Variants in KERA observed in about 807,000 individuals in gnomAD.
The protein encoded by KERA is keratocan.
KERA carries 25 observed loss-of-function variants against 26.4 expected under a neutral mutation model. That is an observed-to-expected ratio of 0.95 (90% CI 0.69 to 1.32). The LOEUF (loss-of-function observed/expected upper bound fraction) is 1.32, where lower values mean the gene tolerates loss of function less well. Ranked by LOEUF, KERA falls within the 40% of genes most tolerant of loss-of-function variation. The pLI, the probability that KERA is intolerant of heterozygous loss-of-function variation, is 0.00. For missense variants in KERA, 434 were observed against 408.9 expected (o/e 1.06, Z -0.53); for synonymous variants, 167 against 146.1 (o/e 1.14, Z -1.03).
chr12:91,057,469 G>A (rs1879041374), intron 1 of KERA, among the ~76,000 whole-genome samples: 1 of 150,366 alleles, frequency 6.7e-6, no homozygotes, highest in African/African-American at 2.4e-5. Context: ...GATTCCTTAG[G>A]AAAAGATAAA....
At chr12:91,057,086 G>A (rs1413662120) in intron 1 of KERA, among the ~76,000 whole-genome samples, 1 of 150,366 alleles carries the variant, frequency 6.7e-6, no homozygotes, top group African/African-American at 2.4e-5. Flanking sequence ...ACATTGTGAT[G>A]TATAGCACAA....
intron 2 of KERA, among the ~76,000 whole-genome samples, chr12:91,054,031 A>G (rs1211773279): frequency 6.6e-6 from 1 of 150,940 alleles, no homozygotes; most frequent in Non-Finnish European, 1.5e-5. Context: ...AAACAGATTC[A>G]TCTCTTAACA....
At chr12:91,052,947 C>T (rs1462199986) in intron 2 of KERA, among the ~76,000 whole-genome samples, 2 of 151,322 alleles carry the variant, frequency 1.3e-5, no homozygotes, top group Non-Finnish European at 3.0e-5. Context: ...CAGGGAACAC[C>T]AGAAAGTAAT....
At position 91,055,439 on chromosome 12, in the gene KERA, A is replaced by G; in HGVS notation, c.843T>C (p.Ser281=). 1 of 1,610,428 alleles carries G rather than the reference A, an allele frequency of 6.2e-7. No individual in the cohort carries two copies. Among genetic ancestry groups the G allele is most frequent in the South Asian group, 1.1e-5 (1 of 90,984 alleles). The change falls in exon 2 of 3, where the codon AGT becomes AGC. Residue 281 remains serine, a synonymous_variant. Coordinates refer to ENST00000266719, the MANE Select transcript of KERA (RefSeq NM_007035.4). ...CAAGGTGAAGGTGCTGCAGATGAGCACTGATTCGGGGAACCTTTGTGAGTT... is the reference window on the plus strand; with the variant it reads ...CAAGGTGAAGGTGCTGCAGATGAGCGCTGATTCGGGGAACCTTTGTGAGTT... The part of the protein sequence containing the change: ...HNQLTKVPRI[S]AHLQHLHLDH...
intron 2 of KERA, among the ~76,000 whole-genome samples, chr12:91,054,087 A>G (rs1414177852): frequency 1.3e-5 from 2 of 151,350 alleles, no homozygotes; most frequent in Admixed American, 1.3e-4. Context: ...GGATTAAACA[A>G]TACATTTCAT....
chr12:91,051,303 G>C lies in KERA; in HGVS notation c.*43C>G, dbSNP rs774086042. The C allele has an allele frequency of 3.9e-6, 6 of 1,521,048 alleles. No homozygotes were observed. The highest frequency in any genetic ancestry group is 5.5e-6 in the Non-Finnish European group (6 of 1,097,532). The allele number at this position is 1,521,048 out of a possible 1,614,324, so 94.2% of individuals were successfully genotyped here. A position where few individuals can be genotyped will look rare whatever the true frequency, so the allele number is the denominator to read the frequency against. On this transcript the variant is annotated 3_prime_UTR_variant, in exon 3 of 3. Transcript: ENST00000266719. ...TTAATGGTAACCACATTTCATGTCA[G>C]AAACAGCTCATTAAACTAATTTTAG... is the stretch of plus-strand genomic sequence containing the variant.
At chr12:91,053,082 A>G (rs1878905094) in intron 2 of KERA, among the ~76,000 whole-genome samples, 1 of 143,862 alleles carries the variant, frequency 7.0e-6, no homozygotes, top group Non-Finnish European at 1.5e-5. Flanking sequence ...CTTTTCATAG[A>G]GGAGATATGT....
At chr12:91,053,776 T>G (rs956257817) in intron 2 of KERA, among the ~76,000 whole-genome samples, 4 of 151,320 alleles carry the variant, frequency 2.6e-5, no homozygotes, top group Admixed American at 1.3e-4. Context: ...GTCTTATACT[T>G]CTCAACTGTG....
chr12:91,051,575 G>A lies in KERA; in HGVS notation c.887-57C>T, dbSNP rs528395617. The A allele has an allele frequency of 1.1e-5, 14 of 1,329,294 alleles. No homozygotes were observed. The South Asian group carries it at 1.5e-4, about 14-fold the overall frequency. The allele number at this position is 1,329,294 out of a possible 1,614,324, so 82.3% of individuals were successfully genotyped here. A position where few individuals can be genotyped will look rare whatever the true frequency, so the allele number is the denominator to read the frequency against. On this transcript the variant is annotated intron_variant, in intron 2 of 2. Transcript: ENST00000266719. ...TGGAACACAAGAGAAACTAACAGTG[G>A]GAAGACCAAAAAACTAATGCCATGG... is the stretch of plus-strand genomic sequence containing the variant.
rs532223563 is a variant in KERA, at chr12:91,051,548, A to G, written c.887-30T>C. The G allele has an allele frequency of 6.5e-6, 10 of 1,535,916 alleles. No homozygotes were observed. In the South Asian group the frequency reaches 8.9e-5, roughly 14 times the overall value. On this transcript the variant is annotated intron_variant, in intron 2 of 2. Transcript: ENST00000266719. Reference sequence around the variant, plus strand: ...AGTGACAAAGAGAATAGATGAATGAATTGGAACACAAGAGAAACTAACAGT... The same window carrying G: ...AGTGACAAAGAGAATAGATGAATGAGTTGGAACACAAGAGAAACTAACAGT...
At chr12:91,057,387 T>C (rs991357846) in intron 1 of KERA, among the ~76,000 whole-genome samples, 2 of 148,870 alleles carry the variant, frequency 1.3e-5, no homozygotes, top group African/African-American at 4.9e-5. Flanking sequence ...TATATATATA[T>C]ATATATCAGT....
intron 1 of KERA, among the ~76,000 whole-genome samples, chr12:91,056,883 T>A (rs1287156502): frequency 6.6e-6 from 1 of 151,012 alleles, no homozygotes; most frequent in Middle Eastern, 3.2e-3. Context: ...TCAAGTAAGT[T>A]TTTTGAGGGT....
At position 91,055,500 on chromosome 12, in the gene KERA, A is replaced by T. The variant is rs1279935620; in HGVS notation, c.782T>A (p.Val261Glu). The T allele has an allele frequency of 6.2e-7, 1 of 1,609,706 alleles. No individual in the cohort carries two copies. The highest frequency in any genetic ancestry group is 8.5e-7 in the Non-Finnish European group (1 of 1,177,358). Residue 261 changes from valine (V) to glutamate (E), a missense_variant, in exon 2 of 3, where the codon GTA becomes GAA. Val to Glu is a moderately radical substitution (Grantham distance 121). Transcript: ENST00000266719. ...DEGLPSRGFD[V>E]SSILDLQLSH... ...CAGTTGAAGATCTAGAATTGATGAT[A>T]CATCAAATCCTCTTGATGGGAGACC...
intron 2 of KERA, among the ~76,000 whole-genome samples, chr12:91,052,337 T>C (rs1359368828): frequency 2.0e-5 from 3 of 151,508 alleles, no homozygotes; most frequent in Non-Finnish European, 3.0e-5. Context: ...AACAGCTGAT[T>C]TCAACCATGA....
In KERA at chr12:91,055,835, T is replaced by C. The variant is rs1878986585; in HGVS notation, c.447A>G (p.Leu149=). 2 of 1,611,242 alleles carry C rather than the reference T, an allele frequency of 1.2e-6. No individual in the cohort carries two copies. Among genetic ancestry groups the C allele is most frequent in the Non-Finnish European group, 8.5e-7 (1 of 1,178,238 alleles). Residue 149 remains leucine, a synonymous_variant, in exon 2 of 3, where the codon TTA becomes TTG. Coordinates refer to ENST00000266719, the MANE Select transcript of KERA (RefSeq NM_007035.4). ...GAATTCTGGACACCTTATTTCTAGC[T>C]AATTGTAATTGTTCTAAACTTCTTG... ...PLPRSLEQLQ[L]ARNKVSRIPQ... is the part of the protein sequence containing the mutation.
At position 91,056,372 on chromosome 12, in the gene KERA, A is replaced by T. The variant is rs556676522; in HGVS notation, c.-8-83T>A. The T allele has an allele frequency of 1.2e-3, 1,307 of 1,119,312 alleles. 1 individual carries two copies. The highest frequency in any genetic ancestry group is 1.5e-3 in the Non-Finnish European group (1,119 of 747,270). The allele number at this position is 1,119,312 out of a possible 1,614,324, so 69.3% of individuals were successfully genotyped here. On this transcript the variant is annotated intron_variant, in intron 1 of 2. Transcript: ENST00000266719. Reference sequence around the variant, plus strand: ...TTATACATCAAAATGATCAGTAAACATTGCTTCTTCAGGGAAGAGGTGAAA... The same window carrying T: ...TTATACATCAAAATGATCAGTAAACTTTGCTTCTTCAGGGAAGAGGTGAAA...
intron 2 of KERA, among the ~76,000 whole-genome samples, chr12:91,055,189 T>G (rs1034400667): frequency 2.0e-5 from 3 of 151,140 alleles, no homozygotes; most frequent in Non-Finnish European, 4.4e-5. Flanking sequence ...CACTTTTTAG[T>G]CTTCAGTTTG....
chr12:91,054,102 A>G (rs1027078054), intron 2 of KERA, among the ~76,000 whole-genome samples: 3 of 151,272 alleles, frequency 2.0e-5, no homozygotes, highest in African/African-American at 7.3e-5. Context: ...TTTCATCACC[A>G]TGGAAAAATA....
intron 2 of KERA, among the ~76,000 whole-genome samples, chr12:91,053,042 A>G (rs187877515): frequency 1.3e-5 from 2 of 151,498 alleles, no homozygotes; most frequent in South Asian, 2.1e-4. Context: ...ATTGCTTAAG[A>G]CAAGTTCACT....
Sources: allele counts gnomAD v4.1 joint callset (sites outside exome capture counted in the v4.1 genomes callset), GRCh38; gene constraint gnomAD v4.1.1; transcripts MANE v1.5; gene names NCBI Gene and HGNC (gene_info 2026-07-23, HGNC 2026-07-21).